Variants in SUPT3H observed in about 807,000 individuals in gnomAD.
SUPT3H encodes transcription initiation protein SPT3 homolog.
A neutral mutation model predicts 44.3 loss-of-function variants in SUPT3H; 44 were observed. That is an observed-to-expected ratio of 0.99 (90% CI 0.78 to 1.28). The LOEUF (loss-of-function observed/expected upper bound fraction) is 1.28, where lower values mean the gene tolerates loss of function less well. Ranked by LOEUF, SUPT3H falls within the 50% of genes most tolerant of loss-of-function variation. The pLI, the probability that SUPT3H is intolerant of heterozygous loss-of-function variation, is 0.00. For synonymous variants in SUPT3H, 124 were observed against 125.6 expected (o/e 0.99, Z 0.09); for missense variants, 380 against 387.1 (o/e 0.98, Z 0.15).
intron 10 of SUPT3H, among the ~76,000 whole-genome samples, chr6:44,887,494 T>C (rs1436329296): frequency 1.3e-5 from 2 of 152,164 alleles, no homozygotes; most frequent in African/African-American, 2.4e-5. Context: ...ACATGGAAAC[T>C]GAACAACCTG....
At chr6:45,101,778 T>C (rs1013410110) in intron 3 of SUPT3H, among the ~76,000 whole-genome samples, 1 of 152,142 alleles carries the variant, frequency 6.6e-6, no homozygotes, top group African/African-American at 2.4e-5. Flanking sequence ...ACAATTATTA[T>C]GTGTCTATTA....
At chr6:45,189,268 G>A (rs1174705707) in intron 2 of SUPT3H, among the ~76,000 whole-genome samples, 2 of 152,134 alleles carry the variant, frequency 1.3e-5, no homozygotes, top group African/African-American at 2.4e-5. Flanking sequence ...GTATCACTTA[G>A]TGTTATTTTT....
At chr6:45,361,261 T>C (rs1481276042) in intron 2 of SUPT3H, among the ~76,000 whole-genome samples, 5 of 152,144 alleles carry the variant, frequency 3.3e-5, no homozygotes, top group African/African-American at 1.2e-4. Context: ...TCTTACAATA[T>C]AAAAGTAACA....
chr6:45,063,856 G>T (rs1442592385), intron 3 of SUPT3H, among the ~76,000 whole-genome samples: 14 of 140,910 alleles, frequency 9.9e-5, no homozygotes, highest in Admixed American at 3.7e-4. Context: ...AAGTGACAGG[G>T]AGAATGGAAC....
chr6:44,978,874 G>T (rs1778707263), intron 6 of SUPT3H, among the ~76,000 whole-genome samples: 1 of 152,098 alleles, frequency 6.6e-6, no homozygotes, highest in Admixed American at 6.5e-5. Flanking sequence ...ATGCAGATTA[G>T]AAACAAAACA....
intron 2 of SUPT3H, among the ~76,000 whole-genome samples, chr6:45,271,851 A>G (rs1356653157): frequency 6.6e-6 from 1 of 152,146 alleles, no homozygotes; most frequent in Non-Finnish European, 1.5e-5. Flanking sequence ...CAGAGGGGCA[A>G]AGCTGCCCAA....
intron 3 of SUPT3H, among the ~76,000 whole-genome samples, chr6:45,060,656 A>G (rs2153541899): frequency 6.6e-6 from 1 of 152,256 alleles, no homozygotes; most frequent in South Asian, 2.1e-4. Flanking sequence ...GTGAACAGAC[A>G]ACCTAACCTA....
At chr6:44,810,020 G>A (rs1766403640) in intron 11 of SUPT3H, among the ~76,000 whole-genome samples, 2 of 152,204 alleles carry the variant, frequency 1.3e-5, no homozygotes, top group Admixed American at 6.5e-5. Context: ...TATTGTTGGT[G>A]TAGTTTTTTC....
chr6:44,956,211 G>A (rs755304278), intron 7 of SUPT3H, among the ~76,000 whole-genome samples: 9 of 151,476 alleles, frequency 5.9e-5, no homozygotes, highest in Non-Finnish European at 1.2e-4. Context: ...TAGGTCGGGC[G>A]CGGTGGCTCA....
intron 3 of SUPT3H, among the ~76,000 whole-genome samples, chr6:45,042,874 A>C (rs2153530931): frequency 6.6e-6 from 1 of 152,324 alleles, no homozygotes. Context: ...GAATGGATTA[A>C]GAAAATGTGG....
chr6:45,345,263 T>C (rs1228162000), intron 2 of SUPT3H, among the ~76,000 whole-genome samples: 1 of 152,216 alleles, frequency 6.6e-6, no homozygotes, highest in Non-Finnish European at 1.5e-5. Flanking sequence ...TAAAATGTCA[T>C]GCTCAAATGA....
chr6:44,835,536 T>TGAAAGGG (rs1769708803), intron 10 of SUPT3H, among the ~76,000 whole-genome samples: 1 of 136,420 alleles, frequency 7.3e-6, no homozygotes, highest in East Asian at 2.1e-4. Flanking sequence ...GGGTTGAGGT[T>TGAAAGGG]CTATGCTGGC....
intron 10 of SUPT3H, among the ~76,000 whole-genome samples, chr6:44,919,133 T>A (rs1031551203): frequency 2.0e-5 from 3 of 152,202 alleles, no homozygotes; most frequent in Non-Finnish European, 2.9e-5. Context: ...TGTAAGTTAG[T>A]GCTGCTCTCA....
intron 2 of SUPT3H, among the ~76,000 whole-genome samples, chr6:45,242,959 C>T (rs1770639107): frequency 6.6e-6 from 1 of 152,104 alleles, no homozygotes; most frequent in East Asian, 1.9e-4. Flanking sequence ...CTTTGGGAGG[C>T]CGAGGAGTGT....
chr6:44,924,163 C>T (rs992341485), intron 10 of SUPT3H, among the ~76,000 whole-genome samples: 2 of 152,168 alleles, frequency 1.3e-5, no homozygotes, highest in Non-Finnish European at 2.9e-5. Flanking sequence ...AATGGAAGCA[C>T]GTGCCAGATA....
At chr6:45,346,693 T>C (rs559103611) in intron 2 of SUPT3H, among the ~76,000 whole-genome samples, 1 of 152,006 alleles carries the variant, frequency 6.6e-6, no homozygotes, top group South Asian at 2.1e-4. Context: ...TCTGCCTGAC[T>C]AGCTGGGATT....
chr6:44,979,050 T>G (rs763408900), intron 6 of SUPT3H, among the ~76,000 whole-genome samples: 5 of 152,170 alleles, frequency 3.3e-5, no homozygotes, highest in Non-Finnish European at 7.4e-5. Flanking sequence ...TAAATTGGAT[T>G]TTATACAATT....
At chr6:45,100,571 C>T (rs1226491390) in intron 3 of SUPT3H, among the ~76,000 whole-genome samples, 2 of 59,256 alleles carry the variant, frequency 3.4e-5, no homozygotes, top group African/African-American at 1.6e-4. Flanking sequence ...AAAAGACACA[C>T]AAATAGCCCA....
chr6:45,342,535 A>C (rs1267796398), intron 2 of SUPT3H, among the ~76,000 whole-genome samples: 2 of 152,200 alleles, frequency 1.3e-5, no homozygotes, highest in African/African-American at 4.8e-5. Context: ...CTGCGATTAC[A>C]CGCATAAGCC....
Sources: gnomAD v4.1 joint callset for allele counts (sites outside exome capture counted in the v4.1 genomes callset) on GRCh38, gnomAD v4.1.1 for gene constraint, MANE v1.5 for transcripts, NCBI Gene and HGNC (gene_info 2026-07-23, HGNC 2026-07-21) for gene names.